Variants in PRKN observed in about 807,000 individuals in gnomAD.
The protein encoded by PRKN is parkin RBR E3 ubiquitin protein ligase, also known as E3 ubiquitin-protein ligase parkin.
A neutral mutation model predicts 59.5 loss-of-function variants in PRKN; 56 were observed. That is an observed-to-expected ratio of 0.94 (90% confidence interval 0.76 to 1.18). The LOEUF (loss-of-function observed/expected upper bound fraction) is 1.18. Ranked by LOEUF, PRKN falls within the 50% of genes most tolerant of loss-of-function variation. The pLI, the probability that PRKN is intolerant of heterozygous loss-of-function variation, is 0.00. For missense variants in PRKN, 657 were observed against 596.4 expected (o/e 1.10, Z -1.06); for synonymous variants, 250 against 222.1 (o/e 1.13, Z -1.12).
chr6:161,759,496 T>C (rs910301294), intron 7 of PRKN, among the ~76,000 whole-genome samples: 4 of 39,094 alleles, frequency 1.0e-4, no homozygotes. Context: ...ATTCTTTGTG[T>C]CTTCAGTATT....
chr6:161,382,081 C>T (rs1362526291), intron 10 of PRKN, among the ~76,000 whole-genome samples: 11 of 127,966 alleles, frequency 8.6e-5, no homozygotes, highest in African/African-American at 2.6e-4. Context: ...CATTGTAGTC[C>T]GGCCTGGGTG....
At chr6:162,679,438 T>C (rs1355673616) in intron 1 of PRKN, among the ~76,000 whole-genome samples, 12 of 152,152 alleles carry the variant, frequency 7.9e-5, no homozygotes, top group Admixed American at 6.6e-4. Context: ...TTAGTGTTGA[T>C]GAAATCCAGT....
chr6:162,096,165 T>C (rs1779721252), intron 4 of PRKN, among the ~76,000 whole-genome samples: 1 of 151,614 alleles, frequency 6.6e-6, no homozygotes, highest in South Asian at 2.1e-4. Context: ...TCTGGAGCAT[T>C]AATAACAGAT....
At chr6:162,507,543 T>C (rs1250975238) in intron 1 of PRKN, among the ~76,000 whole-genome samples, 1 of 152,166 alleles carries the variant, frequency 6.6e-6, no homozygotes, top group Non-Finnish European at 1.5e-5. Context: ...AGAATAAATG[T>C]TTTTATAAAA....
intron 1 of PRKN, among the ~76,000 whole-genome samples, chr6:162,676,087 C>T (rs2128231401): frequency 6.6e-6 from 1 of 152,222 alleles, no homozygotes; most frequent in East Asian, 1.9e-4. Flanking sequence ...TGGAGGTCGT[C>T]TAAGCTTTTC....
At chr6:162,252,730 C>T (rs1224887616) in intron 3 of PRKN, among the ~76,000 whole-genome samples, 1 of 152,210 alleles carries the variant, frequency 6.6e-6, no homozygotes, top group Non-Finnish European at 1.5e-5. Context: ...TTCCCAGCAT[C>T]TAGAACTGGA....
At chr6:161,899,010 C>T (rs1777775171) in intron 6 of PRKN, among the ~76,000 whole-genome samples, 1 of 152,216 alleles carries the variant, frequency 6.6e-6, no homozygotes, top group Non-Finnish European at 1.5e-5. Flanking sequence ...TCCAAGGGCT[C>T]CTCTGCCCAA....
At chr6:161,653,246 C>A (rs1784215388) in intron 7 of PRKN, among the ~76,000 whole-genome samples, 2 of 152,118 alleles carry the variant, frequency 1.3e-5, no homozygotes, top group African/African-American at 4.8e-5. Flanking sequence ...TGCCTGTAGT[C>A]CCAGCTACTC....
intron 6 of PRKN, among the ~76,000 whole-genome samples, chr6:161,920,253 G>A (rs1778729697): frequency 6.6e-6 from 1 of 151,988 alleles, no homozygotes; most frequent in Admixed American, 6.6e-5. Context: ...GTGTGGTTGT[G>A]CAAACCTGTA....
At chr6:161,789,683 G>T (rs1020824172) in intron 6 of PRKN, among the ~76,000 whole-genome samples, 43 of 152,122 alleles carry the variant, frequency 2.8e-4, no homozygotes, top group African/African-American at 1.0e-3. Context: ...TGTTTAAAGT[G>T]TTTCATATAC....
At chr6:161,408,463 G>A (rs919261148) in intron 9 of PRKN, among the ~76,000 whole-genome samples, 12 of 143,474 alleles carry the variant, frequency 8.4e-5, no homozygotes, top group African/African-American at 2.8e-4. Context: ...GTGGGATTAT[G>A]TTTGTTTTCT....
intron 1 of PRKN, among the ~76,000 whole-genome samples, chr6:162,659,267 A>C (rs887436500): frequency 6.6e-5 from 10 of 152,178 alleles, no homozygotes; most frequent in Admixed American, 6.5e-4. Context: ...GCCAACTTCC[A>C]GCTTTGGATT....
chr6:162,198,126 A>G (rs375309449), intron 4 of PRKN, among the ~76,000 whole-genome samples: 4 of 152,358 alleles, frequency 2.6e-5, no homozygotes, highest in East Asian at 1.9e-4. Context: ...AGAAGGGTCA[A>G]TGATATGCAG....
At chr6:161,822,519 T>C (rs967162903) in intron 6 of PRKN, among the ~76,000 whole-genome samples, 1 of 152,124 alleles carries the variant, frequency 6.6e-6, no homozygotes, top group African/African-American at 2.4e-5. Flanking sequence ...CAACTAAAAA[T>C]ACAAAAATCA....
At chr6:162,253,082 T>C (rs1474962459) in intron 3 of PRKN, among the ~76,000 whole-genome samples, 1 of 152,174 alleles carries the variant, frequency 6.6e-6, no homozygotes, top group Non-Finnish European at 1.5e-5. Flanking sequence ...TTGTCTACAG[T>C]AACCTGGTAA....
chr6:162,374,505 G>T (rs1785946614), intron 2 of PRKN, among the ~76,000 whole-genome samples: 1 of 151,600 alleles, frequency 6.6e-6, no homozygotes, highest in Non-Finnish European at 1.5e-5. Context: ...AAAAGCAATA[G>T]CCTCTTATAA....
chr6:161,913,380 C>G (rs1394153987), intron 6 of PRKN, among the ~76,000 whole-genome samples: 1 of 152,064 alleles, frequency 6.6e-6, no homozygotes, highest in Non-Finnish European at 1.5e-5. Context: ...TCAAAACTTA[C>G]TGCAAAGAAC....
chr6:162,093,171 G>A (rs1779578561), intron 4 of PRKN, among the ~76,000 whole-genome samples: 1 of 152,142 alleles, frequency 6.6e-6, no homozygotes, highest in Non-Finnish European at 1.5e-5. Flanking sequence ...GCAACTCCAT[G>A]ACCCAGGTGA....
rs1270023845 is a variant in PRKN at position 161,377,939 on chromosome 6, C to A, written c.1167+8855G>T. ...TAAATGTGTGTTGTTTATAAGCCAG[C>A]CAGTCTACGGTATTGAGTGACAGCA... is the stretch of plus-strand genomic sequence containing the variant. On this transcript the variant is annotated intron_variant, in intron 10 of 11. Coordinates refer to ENST00000366898, the MANE Select transcript of PRKN (RefSeq NM_004562.3). This position sits in a 1 kb window ranked among gnomAD's most constrained non-coding sequence, Gnocchi z 4.2. Among the ~76,000 whole-genome samples, 1 of 152,122 alleles carries A rather than the reference C, an allele frequency of 6.6e-6. No homozygotes were observed. The highest frequency in any genetic ancestry group is 1.5e-5 in the Non-Finnish European group (1 of 68,038).
Sources: gnomAD v4.1 joint callset for allele counts (sites outside exome capture counted in the v4.1 genomes callset) on GRCh38, gnomAD v4.1.1 for gene constraint, Gnocchi (gnomAD v3.1) non-coding constraint, MANE v1.5 for transcripts, NCBI Gene and HGNC (gene_info 2026-07-23, HGNC 2026-07-21) for gene names.